Variants in UTP20 observed in about 807,000 individuals in gnomAD.
The protein encoded by UTP20 is small subunit processome component 20 homolog.
UTP20 carries 164 observed loss-of-function variants against 329.5 expected under a neutral mutation model. The observed-to-expected ratio is 0.50, with a 90% confidence interval of 0.44 to 0.57. UTP20 has a LOEUF of 0.57. UTP20 is among the 20% of genes least tolerant of loss of function. The probability of loss-of-function intolerance (pLI) is 0.00; values close to 1 mark genes in which losing one functional copy is unlikely to be tolerated. For synonymous variants in UTP20, 1,151 were observed against 1,159.3 expected (o/e 0.99, Z 0.14); for missense variants, 3,055 against 3,284.2 (o/e 0.93, Z 1.71).
At chr12:101,299,945 C>T (rs369123869) in intron 13 of UTP20, 28 bp from the exon 14 acceptor site, 4 of 1,612,830 alleles carry the variant, frequency 2.5e-6, no homozygotes, top group Non-Finnish European at 3.4e-6. Context: ...CCAGTTTGAA[C>T]TTTTCCCTTT....
chr12:101,342,770 GTTTTC>G lies in UTP20; in HGVS notation c.4246-13_4246-9del. 6.2e-7 allele frequency: 1 copy of G among 1,610,134 alleles called. No homozygotes were observed. On this transcript the variant is annotated splice_polypyrimidine_tract_variant and intron_variant, in intron 33 of 61. Coordinates refer to ENST00000261637, the MANE Select transcript of UTP20 (RefSeq NM_014503.3). ...AGTTTTATTCACTGATAAATACACT[GTTTTC>G]TTTCCTTTCAGACTCTTTCTGATTT...
At chr12:101,338,464 A>G (rs1349672721) in intron 30 of UTP20, among the ~76,000 whole-genome samples, 187 bp downstream of exon 30, 2 of 152,138 alleles carry the variant, frequency 1.3e-5, no homozygotes, top group African/African-American at 4.8e-5. Context: ...TAGATTATTT[A>G]CTCTCCAAGA....
rs1869201827 is a variant in UTP20 at position 101,343,103 on chromosome 12, T to C, written c.4449+10T>C. ...TTTCTATAATCTAGAGGTAGGTTAT[T>C]ATAGCAAAATTTTTAAATTATTTTT... On this transcript the variant is annotated intron_variant, in intron 35 of 61. Coordinates refer to ENST00000261637, the MANE Select transcript of UTP20 (RefSeq NM_014503.3). 4.5e-6 allele frequency: 7 copies of C among 1,564,956 alleles called. 1 individual carries two copies. The highest frequency in any genetic ancestry group is 3.6e-5 in the South Asian group (3 of 84,302).
intron 26 of UTP20, among the ~76,000 whole-genome samples, chr12:101,327,644 A>T (rs1484808131): frequency 1.3e-5 from 2 of 152,174 alleles, no homozygotes; most frequent in Admixed American, 1.3e-4. Flanking sequence ...TTCGGTAATG[A>T]TTTATTGAAT....
At chr12:101,298,698 A>T (rs1039358591) in intron 12 of UTP20, among the ~76,000 whole-genome samples, 5 of 152,138 alleles carry the variant, frequency 3.3e-5, no homozygotes, top group African/African-American at 4.8e-5. Flanking sequence ...ATTTTTGCAG[A>T]TTGTTGAGTC....
intron 57 of UTP20, among the ~76,000 whole-genome samples, chr12:101,379,870 C>T (rs1382941267): frequency 1.3e-5 from 2 of 151,804 alleles, no homozygotes; most frequent in Non-Finnish European, 2.9e-5. Flanking sequence ...CCCAGGCTGG[C>T]GTGCAGTGGT....
intron 12 of UTP20, among the ~76,000 whole-genome samples, chr12:101,298,735 T>C (rs1414571397): frequency 6.6e-6 from 1 of 152,222 alleles, no homozygotes; most frequent in African/African-American, 2.4e-5. Context: ...AGACTATATA[T>C]ATCAAGATGT....
intron 48 of UTP20, among the ~76,000 whole-genome samples, chr12:101,369,393 G>A (rs183799922): frequency 9.9e-5 from 15 of 152,180 alleles, no homozygotes; most frequent in Admixed American, 9.2e-4. Context: ...GAGGCAGGAG[G>A]ATTGCTTGAG....
At chr12:101,283,177 A>T (rs183112911) in intron 2 of UTP20, among the ~76,000 whole-genome samples, 2 of 152,292 alleles carry the variant, frequency 1.3e-5, no homozygotes, top group Admixed American at 1.3e-4. Context: ...GCCACAGGAG[A>T]GGTTGAAGGT....
At chr12:101,289,113 A>G in intron 6 of UTP20, 72 bp downstream of exon 6, 1 of 1,359,654 alleles carries the variant, frequency 7.4e-7, no homozygotes, top group Non-Finnish European at 1.0e-6. Context: ...GTGGTGGCTC[A>G]TGCCTGTAAT....
chr12:101,341,559 CCAAT>C (rs1471406517), intron 32 of UTP20, among the ~76,000 whole-genome samples: 1 of 152,152 alleles, frequency 6.6e-6, no homozygotes, highest in Non-Finnish European at 1.5e-5. Context: ...GTGGATTCAA[CCAAT>C]CATAGATGAA....
At chr12:101,288,897 T>G in intron 5 of UTP20, 63 bp from the exon 6 acceptor site, 1 of 1,399,900 alleles carries the variant, frequency 7.1e-7, no homozygotes, top group Admixed American at 1.8e-5. Context: ...ATTGTTGACA[T>G]GTAGTATGTA....
At chr12:101,297,009 C>T (rs1393496483) in intron 12 of UTP20, among the ~76,000 whole-genome samples, 1 of 152,016 alleles carries the variant, frequency 6.6e-6, no homozygotes, top group South Asian at 2.1e-4. Flanking sequence ...TCTTATTTCT[C>T]TTGGAGTAGT....
At chr12:101,385,473 T>A (rs927816288) in intron 60 of UTP20, 110 bp from the exon 61 acceptor site, 12 of 1,333,998 alleles carry the variant, frequency 9.0e-6, no homozygotes, top group Non-Finnish European at 1.1e-5. Context: ...TTGGGGTTTC[T>A]TGCCAGATCA....
chr12:101,378,225 G>A (rs1870537278), intron 56 of UTP20, among the ~76,000 whole-genome samples: 1 of 152,190 alleles, frequency 6.6e-6, no homozygotes, highest in Non-Finnish European at 1.5e-5. Context: ...TCATCTGTAA[G>A]ATGGAAATTA....
chr12:101,286,410 C>T lies in UTP20; in HGVS notation c.416C>T (p.Thr139Ile). ...TTGACTATCACCTCGATCCTGGAGA[C>T]TCAGGACACAGAGTTGTTAGAATGG... Reference protein sequence around the residue: ...FFLTITSILETQDTELLEWAF... With the variant: ...FFLTITSILEIQDTELLEWAF... Residue 139 changes from threonine to isoleucine, a missense_variant, in exon 5 of 62, where the codon ACT becomes ATT. Physicochemically the swap from Thr to Ile is moderately conservative, Grantham distance 89 (BLOSUM62 -1). Around this residue, in one of 3 missense-constraint regions of UTP20, gnomAD observed 2,445 missense variants for 2,575.5 expected, o/e 0.95. Coordinates refer to ENST00000261637, the MANE Select transcript of UTP20 (RefSeq NM_014503.3). 1.9e-6 allele frequency: 3 copies of T among 1,613,876 alleles called. No individual in the cohort carries two copies. The highest frequency in any genetic ancestry group is 2.5e-6 in the Non-Finnish European group (3 of 1,179,908).
At chr12:101,293,696 A>C (rs1872247030) in intron 11 of UTP20, among the ~76,000 whole-genome samples, 1 of 152,194 alleles carries the variant, frequency 6.6e-6, no homozygotes, top group South Asian at 2.1e-4. Flanking sequence ...ACATCATGGA[A>C]ACATATCTCT....
Position 101,344,934 on chromosome 12 carries a change from C to CTTTTTTTTTTTT in UTP20, c.4605+202_4605+213dup, listed in dbSNP as rs11417670. Among the ~76,000 whole-genome samples the CTTTTTTTTTTTT allele has an allele frequency of 5.7e-4, 35 of 61,564 alleles. 1 individual carries two copies. Among genetic ancestry groups the CTTTTTTTTTTTT allele is most frequent in the Non-Finnish European group, 8.4e-4 (27 of 31,968 alleles). The allele number at this position is 61,564 out of a possible 152,430, so 40.4% of individuals were successfully genotyped here. ...CTAGAAAGGAGAGCACTTTTTTTTG[C>CTTTTTTTTTTTT]TTTTTTTTTTTTTTTTTTTTTTTTT... On this transcript the variant is annotated intron_variant, in intron 36 of 61. Coordinates refer to ENST00000261637, the MANE Select transcript of UTP20 (RefSeq NM_014503.3).
intron 15 of UTP20, 85 bp downstream of exon 15, chr12:101,302,638 C>T (rs1392938686): frequency 5.8e-6 from 5 of 855,278 alleles, no homozygotes; most frequent in Non-Finnish European, 8.8e-6. Flanking sequence ...CAAAGAAAAT[C>T]CCTTTGATCT....
Sources: gnomAD v4.1 joint callset for allele counts (sites outside exome capture counted in the v4.1 genomes callset) on GRCh38, gnomAD v4.1.1 for gene constraint, gnomAD v4.1.1 regional missense constraint, MANE v1.5 for transcripts, NCBI Gene and HGNC (gene_info 2026-07-23, HGNC 2026-07-21) for gene names.